Variants in TFRC observed in about 807,000 individuals in gnomAD.
TFRC encodes transferrin receptor, also known as transferrin receptor protein 1.
A neutral mutation model predicts 85.8 loss-of-function variants in TFRC; 35 were observed. The ratio of observed to expected loss-of-function variants is 0.41; its 90% confidence interval spans 0.31 to 0.54. The LOEUF (loss-of-function observed/expected upper bound fraction) is 0.54, where lower values mean the gene tolerates loss of function less well. Ranked by LOEUF, TFRC falls within the 20% of genes least tolerant of loss-of-function variation. TFRC has a pLI of 0.31. For synonymous variants in TFRC, 362 were observed against 328.6 expected, an observed-to-expected ratio of 1.10 and a Z score of -1.10; for missense variants, 828 against 921.5, an observed-to-expected ratio of 0.90 and a Z score of 1.31.
chr3:196,072,134 T>G lies in TFRC; in HGVS notation c.453A>C (p.Ser151=). The change falls in exon 5 of 19, where the codon TCA becomes TCC. Residue 151 remains serine (S), a synonymous_variant. Transcript: ENST00000360110. ...TGTIKLLNEN[S]YVPREAGSQK... Reference sequence around the variant, plus strand: ...GAGATCCAGCCTCACGAGGGACATATGAATTTTCATTCAGCAGCCTGGAGG... The same window carrying G: ...GAGATCCAGCCTCACGAGGGACATAGGAATTTTCATTCAGCAGCCTGGAGG... 1 of 1,613,450 alleles carries G rather than the reference T, an allele frequency of 6.2e-7. No individual in the cohort carries two copies. Among genetic ancestry groups the G allele is most frequent in the Non-Finnish European group, 8.5e-7 (1 of 1,179,848 alleles).
Position 196,060,781 on chromosome 3 carries a change from A to G in TFRC, c.1469-534T>C, listed in dbSNP as rs986521599. 3.2e-4 allele frequency among the ~76,000 whole-genome samples: 43 copies of G among 135,226 alleles called. 1 individual carries two copies. Among genetic ancestry groups the G allele is most frequent in the Non-Finnish European group, 6.2e-4 (39 of 63,410 alleles). The allele number at this position is 135,226 out of a possible 152,430, so 88.7% of individuals were successfully genotyped here. A position where few individuals can be genotyped will look rare whatever the true frequency, so the allele number is the denominator to read the frequency against. On this transcript the variant is annotated intron_variant, in intron 13 of 18. Coordinates refer to ENST00000360110, the MANE Select transcript of TFRC (RefSeq NM_001128148.3). ...CCACTGCACTCCAGCCTGGGTGACA[A>G]AGCGAGACTCCATCTCAAAAAAAAA...
At chr3:196,062,305 G>GCAGAT in intron 13 of TFRC, 1 of 373,740 alleles carries the variant, frequency 2.7e-6, no homozygotes, top group Non-Finnish European at 4.9e-6. Flanking sequence ...GCCGAGGCAG[G>GCAGAT]CAGATCGCCT....
Position 196,064,311 on chromosome 3 carries a change from T to A in TFRC, c.1316A>T (p.Lys439Ile), listed in dbSNP as rs1448928575. The A allele has an allele frequency of 6.2e-7, 1 of 1,607,822 alleles. No homozygotes were observed. Among genetic ancestry groups the A allele is most frequent in the Non-Finnish European group, 8.5e-7 (1 of 1,178,346 alleles). ...LAQMFSDMVL[K>I]DGFQPSRSII... ...AAGAATCAAAATTTGTACTCTACCT[T>A]TTAAGACCATATCTGAGAACATCTG... Residue 439 changes from lysine (K) to isoleucine (I), a missense_variant and splice_region_variant, in exon 11 of 19, where the codon AAA (lysine) becomes ATA (isoleucine). Coordinates refer to ENST00000360110, the MANE Select transcript of TFRC (RefSeq NM_001128148.3).
At chr3:196,073,051 A>C (rs376269023) in intron 4 of TFRC, among the ~76,000 whole-genome samples, 10 of 147,854 alleles carry the variant, frequency 6.8e-5, no homozygotes, top group Non-Finnish European at 1.0e-4. Flanking sequence ...AAAAAAAAAA[A>C]AAAAAAAAAC....
intron 8 of TFRC, 113 bp downstream of exon 8, chr3:196,067,919 C>A: frequency 1.2e-6 from 1 of 867,704 alleles, no homozygotes; most frequent in Admixed American, 2.8e-5. Flanking sequence ...ACTGCTAACG[C>A]CCTCCCAGAA....
At chr3:196,056,924 C>A (rs184257247) in intron 16 of TFRC, among the ~76,000 whole-genome samples, 1 of 152,138 alleles carries the variant, frequency 6.6e-6, no homozygotes, top group Admixed American at 6.6e-5. Context: ...CAGGTTCAAG[C>A]GATTCTCCTG....
rs949161198 is a variant in TFRC at position 196,049,500 on chromosome 3, T to A, written c.*2442A>T. ...TTATCCTTTACCTCCAAAAGGCCCA[T>A]CTCCTTAACGAGAAGACATCTCAAG... On this transcript the variant is annotated 3_prime_UTR_variant, in exon 19 of 19. Coordinates refer to ENST00000360110, the MANE Select transcript of TFRC (RefSeq NM_001128148.3). 4.6e-6 allele frequency: 1 copy of A among 219,776 alleles called. No individual in the cohort carries two copies. Among genetic ancestry groups the A allele is most frequent in the Non-Finnish European group, 9.1e-6 (1 of 109,536 alleles). 13.6% of individuals were successfully genotyped at this position (219,776 alleles called of 1,614,324 possible).
chr3:196,069,231 C>A (rs142110930), intron 7 of TFRC, among the ~76,000 whole-genome samples: 1 of 152,080 alleles, frequency 6.6e-6, no homozygotes, highest in Non-Finnish European at 1.5e-5. Flanking sequence ...TCTGTATATG[C>A]GTAAAACTGA....
intron 9 of TFRC, 128 bp downstream of exon 9, chr3:196,067,390 G>A: frequency 9.9e-7 from 1 of 1,010,240 alleles, no homozygotes; most frequent in East Asian, 2.6e-5. Flanking sequence ...CAAGGTAACA[G>A]CTAACCATCC....
chr3:196,062,260 T>TG (rs1717342950), intron 13 of TFRC: 1 of 277,242 alleles, frequency 3.6e-6, no homozygotes, highest in South Asian at 5.0e-5. Flanking sequence ...GTAGTTTATC[T>TG]GGCCAGGCAC....
intron 7 of TFRC, among the ~76,000 whole-genome samples, chr3:196,068,353 C>T (rs1473638428): frequency 6.6e-6 from 1 of 152,182 alleles, no homozygotes; most frequent in Admixed American, 6.5e-5. Flanking sequence ...TGGCTCACGC[C>T]TGTAATCCCA....
intron 3 of TFRC, among the ~76,000 whole-genome samples, chr3:196,074,708 G>A (rs865967570): frequency 6.6e-6 from 1 of 151,756 alleles, no homozygotes; most frequent in Non-Finnish European, 1.5e-5. Flanking sequence ...GTGAAACCCC[G>A]TCTCTACTAA....
intron 1 of TFRC, among the ~76,000 whole-genome samples, chr3:196,079,471 G>T (rs546138137): frequency 1.3e-5 from 2 of 152,028 alleles, no homozygotes; most frequent in Non-Finnish European, 2.9e-5. Context: ...AAAATTAGCC[G>T]GGCATGGTGG....
At chr3:196,066,392 T>G (rs975281176) in intron 9 of TFRC, among the ~76,000 whole-genome samples, 3 of 151,278 alleles carry the variant, frequency 2.0e-5, no homozygotes, top group Non-Finnish European at 3.0e-5. Context: ...GAGGTGGAGG[T>G]TGCAGTGAGC....
At position 196,068,177 on chromosome 3, in the gene TFRC, G is replaced by A. The variant is rs775540902; in HGVS notation, c.802-47C>T. On this transcript the variant is annotated intron_variant, in intron 7 of 18. Transcript: ENST00000360110. ...TCAGAAAATGAAGATCTGATCATAC[G>A]AAATGAGAATACATCCTGGACATTA... 3.2e-5 allele frequency: 45 copies of A among 1,423,164 alleles called. No homozygotes were observed. The Admixed American group carries it at 5.9e-4, about 19-fold the overall frequency. 88.2% of individuals were successfully genotyped at this position (1,423,164 alleles called of 1,614,324 possible).
At chr3:196,073,040 A>C (rs1718345101) in intron 4 of TFRC, among the ~76,000 whole-genome samples, 1 of 65,732 alleles carries the variant, frequency 1.5e-5, no homozygotes, top group Non-Finnish European at 3.7e-5. Context: ...TTTCTGCAAA[A>C]AAAAAAAAAA....
intron 1 of TFRC, among the ~76,000 whole-genome samples, chr3:196,078,679 A>C (rs1023402005): frequency 6.6e-6 from 1 of 152,182 alleles, no homozygotes; most frequent in Admixed American, 6.5e-5. Flanking sequence ...AAAAAGAAAA[A>C]GAAAAAGCTC....
Position 196,053,492 on chromosome 3 carries a change from G to C in TFRC, c.1966C>G (p.Leu656Val). 1 of 1,614,158 alleles carries C rather than the reference G, an allele frequency of 6.2e-7. No individual in the cohort carries two copies. Among genetic ancestry groups the C allele is most frequent in the Non-Finnish European group, 8.5e-7 (1 of 1,180,010 alleles). Residue 656 changes from leucine to valine, a missense_variant, in exon 18 of 19, where the codon CTA becomes GTA. Physicochemically the swap from Leu to Val is conservative, Grantham distance 32. Coordinates refer to ENST00000360110, the MANE Select transcript of TFRC (RefSeq NM_001128148.3). The stretch of plus-strand genomic sequence containing the variant: ...TCAGCATTCCCGAAATCTGTTGTTA[G>C]TCTGGAAGTAGCACGGAAGAAGTCT... The part of the protein sequence containing the change: ...RGDFFRATSR[L>V]TTDFGNAEKT...
intron 7 of TFRC, among the ~76,000 whole-genome samples, chr3:196,068,699 A>G (rs543583785): frequency 1.3e-5 from 2 of 148,974 alleles, no homozygotes; most frequent in Non-Finnish European, 3.0e-5. Flanking sequence ...AGGCCAAGGC[A>G]GGTGGATCAC....
Sources: allele counts gnomAD v4.1 joint callset (sites outside exome capture counted in the v4.1 genomes callset), GRCh38; gene constraint gnomAD v4.1.1; transcripts MANE v1.5; gene names NCBI Gene and HGNC (gene_info 2026-07-23, HGNC 2026-07-21).